The following CDH20 variants were observed in gnomAD, a reference collection of about 807,000 sequenced individuals.
CDH20 encodes the protein cadherin-20.
Under a neutral mutation model 74.2 loss-of-function variants are expected in CDH20, and 29 were observed. The ratio of observed to expected loss-of-function variants is 0.39; its 90% CI spans 0.29 to 0.53. The LOEUF is 0.53. CDH20 is among the 20% of genes least tolerant of loss of function. The probability of loss-of-function intolerance (pLI) is 0.69; values close to 1 mark genes in which losing one functional copy is unlikely to be tolerated. For missense variants in CDH20, 988 were observed against 1,048.3 expected, an observed-to-expected ratio of 0.94 and a Z score of 0.79; for synonymous variants, 469 against 405.4, an observed-to-expected ratio of 1.16 and a Z score of -1.88.
intron 1 of CDH20, among the ~76,000 whole-genome samples, chr18:61,390,662 G>C (rs1335239899): frequency 6.6e-6 from 1 of 152,164 alleles, no homozygotes; most frequent in Non-Finnish European, 1.5e-5. Context: ...ACAGAGTTCA[G>C]AATTGAGCTC....
chr18:61,503,425 G>GT (rs1176312098), intron 5 of CDH20, among the ~76,000 whole-genome samples: 6 of 152,116 alleles, frequency 3.9e-5, no homozygotes, highest in Non-Finnish European at 8.8e-5. Flanking sequence ...TAAGGAATAA[G>GT]TTTTGTTGGG....
intron 2 of CDH20, among the ~76,000 whole-genome samples, chr18:61,498,116 C>G (rs1911234955): frequency 6.6e-6 from 1 of 152,088 alleles, no homozygotes; most frequent in Non-Finnish European, 1.5e-5. Flanking sequence ...TAAAAGTATT[C>G]TGGCTGGGCG....
intron 2 of CDH20, 40 bp from the exon 3 acceptor site, chr18:61,499,146 T>C (rs778962704): frequency 1.4e-6 from 2 of 1,460,128 alleles, no homozygotes; most frequent in East Asian, 2.3e-5. Flanking sequence ...CTGACACCTG[T>C]TGACATTCAT....
intron 1 of CDH20, among the ~76,000 whole-genome samples, chr18:61,463,560 T>C (rs1690269276): frequency 6.6e-6 from 1 of 152,032 alleles, no homozygotes; most frequent in Admixed American, 6.5e-5. Context: ...TGGGGCCTTC[T>C]CTGAAACACA....
intron 1 of CDH20, among the ~76,000 whole-genome samples, chr18:61,419,593 A>C (rs1236736077): frequency 6.6e-6 from 1 of 152,116 alleles, no homozygotes; most frequent in Non-Finnish European, 1.5e-5. Flanking sequence ...ATATATCAGT[A>C]TTTGTATCTT....
intron 1 of CDH20, among the ~76,000 whole-genome samples, chr18:61,359,400 A>T (rs1793898129): frequency 6.6e-6 from 1 of 152,022 alleles, no homozygotes; most frequent in South Asian, 2.1e-4. Context: ...AAATAAAATA[A>T]AAAAGAAAGA....
intron 1 of CDH20, among the ~76,000 whole-genome samples, chr18:61,415,869 A>C (rs1912664080): frequency 6.6e-6 from 1 of 152,188 alleles, no homozygotes; most frequent in African/African-American, 2.4e-5. Flanking sequence ...TACTTTGGGC[A>C]ATGTAATTAG....
At chr18:61,522,215 G>A (rs1160352142) in intron 6 of CDH20, among the ~76,000 whole-genome samples, 6 of 152,130 alleles carry the variant, frequency 3.9e-5, no homozygotes, top group African/African-American at 1.4e-4. Context: ...AGCAACTATA[G>A]CAAAGTCTCA....
chr18:61,484,699 T>G (rs1392387293), intron 1 of CDH20, among the ~76,000 whole-genome samples: 1 of 151,698 alleles, frequency 6.6e-6, no homozygotes, highest in Non-Finnish European at 1.5e-5. Flanking sequence ...CTCTTAATTA[T>G]ATAATTCAAG....
intron 6 of CDH20, among the ~76,000 whole-genome samples, chr18:61,515,193 A>G (rs1911948384): frequency 6.6e-6 from 1 of 152,090 alleles, no homozygotes. Context: ...TGCGGGATAT[A>G]ATCTCGTGGT....
intron 1 of CDH20, chr18:61,404,780 T>TA (rs79343250): frequency 2.2e-4 from 73 of 324,444 alleles, no homozygotes; most frequent in African/African-American, 4.3e-4. Context: ...TTTGTTTAAT[T>TA]AAAAAAAAAT....
chr18:61,352,160 T>G (rs774045801), intron 1 of CDH20, among the ~76,000 whole-genome samples: 2 of 152,168 alleles, frequency 1.3e-5, no homozygotes, highest in South Asian at 4.1e-4. Flanking sequence ...TAAACCATAA[T>G]GAACTGGAAA....
At position 61,538,588 on chromosome 18, in the gene CDH20, G is replaced by GTTTTTTTT. The variant is rs1265851069; in HGVS notation, c.1409-433_1409-432insTTTTTTTT. Among the ~76,000 whole-genome samples, 32 of 55,110 alleles carry GTTTTTTTT rather than the reference G, an allele frequency of 5.8e-4. 1 individual carries two copies. Among genetic ancestry groups the GTTTTTTTT allele is most frequent in the African/African-American group, 9.0e-4 (12 of 13,278 alleles). 36.2% of individuals were successfully genotyped at this position (55,110 alleles called of 152,430 possible). On this transcript the variant is annotated intron_variant, in intron 8 of 11. Transcript: ENST00000262717. ...CCAAGTAAATAACTACTTTTTGTTT[G>GTTTTTTTT]TTTGTTTGTTTTTGTTTTTGTTTTT...
At chr18:61,544,126 T>G (rs1030162998) in intron 9 of CDH20, among the ~76,000 whole-genome samples, 2 of 152,260 alleles carry the variant, frequency 1.3e-5, no homozygotes, top group African/African-American at 4.8e-5. Flanking sequence ...ATGGAGACTG[T>G]GCAGGGAAGT....
intron 1 of CDH20, among the ~76,000 whole-genome samples, chr18:61,407,893 C>A (rs1467023275): frequency 6.6e-6 from 1 of 152,138 alleles, no homozygotes; most frequent in Non-Finnish European, 1.5e-5. Flanking sequence ...GGACCAGAAA[C>A]TTTAGTGGAA....
intron 6 of CDH20, among the ~76,000 whole-genome samples, chr18:61,520,099 G>A (rs896096864): frequency 1.3e-5 from 2 of 150,646 alleles, no homozygotes; most frequent in East Asian, 1.9e-4. Flanking sequence ...GGTGGATCAC[G>A]AGGTCAGGAG....
intron 2 of CDH20, among the ~76,000 whole-genome samples, chr18:61,498,800 G>A (rs570767130): frequency 2.0e-5 from 3 of 152,212 alleles, no homozygotes; most frequent in East Asian, 3.9e-4. Flanking sequence ...ATTTTAACAC[G>A]TTTAGGCTTA....
chr18:61,364,075 T>C (rs1910783317), intron 1 of CDH20, among the ~76,000 whole-genome samples: 1 of 152,114 alleles, frequency 6.6e-6, no homozygotes, highest in Non-Finnish European at 1.5e-5. Context: ...TATCTTGACG[T>C]TAAATTTATT....
At chr18:61,374,713 T>C (rs1911156209) in intron 1 of CDH20, among the ~76,000 whole-genome samples, 1 of 152,008 alleles carries the variant, frequency 6.6e-6, no homozygotes, top group Non-Finnish European at 1.5e-5. Context: ...TGGCTTCCAG[T>C]TGTGTGTTAA....
Sources: allele counts gnomAD v4.1 joint callset (sites outside exome capture counted in the v4.1 genomes callset), GRCh38; gene constraint gnomAD v4.1.1; transcripts MANE v1.5; gene names NCBI Gene and HGNC (gene_info 2026-07-23, HGNC 2026-07-21).